The following RXFP1 variants were observed in gnomAD, a reference collection of about 807,000 sequenced individuals.
RXFP1 encodes relaxin receptor 1.
In RXFP1, 73 loss-of-function variants were observed where a neutral mutation model predicts 89.8. The ratio of observed to expected loss-of-function variants is 0.81; its 90% CI spans 0.67 to 0.99. RXFP1 has a LOEUF of 0.99. Ranked by LOEUF, RXFP1 falls within the 50% of genes least tolerant of loss-of-function variation. The pLI is 0.00. For synonymous variants in RXFP1, 277 were observed against 305.5 expected, an observed-to-expected ratio of 0.91 and a Z score of 0.97; for missense variants, 793 against 895.5, an observed-to-expected ratio of 0.89 and a Z score of 1.46.
At chr4:158,530,078 G>GT (rs1434866240) in intron 1 of RXFP1, among the ~76,000 whole-genome samples, 2 of 152,126 alleles carry the variant, frequency 1.3e-5, no homozygotes, top group East Asian at 3.9e-4. Flanking sequence ...GCAGTTTCCT[G>GT]TAGTTGCAGC....
chr4:158,577,952 A>G (rs1222566606), intron 2 of RXFP1, among the ~76,000 whole-genome samples: 1 of 152,218 alleles, frequency 6.6e-6, no homozygotes, highest in East Asian at 1.9e-4. Flanking sequence ...AAAATATTTC[A>G]GCACAAAGAG....
At chr4:158,568,060 A>G (rs1754070038) in intron 1 of RXFP1, among the ~76,000 whole-genome samples, 2 of 152,110 alleles carry the variant, frequency 1.3e-5, no homozygotes, top group African/African-American at 4.8e-5. Flanking sequence ...AGGAATGAAC[A>G]ACTCCGAACA....
At chr4:158,643,712 C>T (rs1770872147) in intron 14 of RXFP1, among the ~76,000 whole-genome samples, 1 of 151,906 alleles carries the variant, frequency 6.6e-6, no homozygotes, top group Non-Finnish European at 1.5e-5. Context: ...ACTGCGTGAT[C>T]CACCCACCTC....
intron 3 of RXFP1, among the ~76,000 whole-genome samples, chr4:158,598,220 A>G (rs1022335731): frequency 1.3e-5 from 2 of 152,332 alleles, no homozygotes; most frequent in African/African-American, 4.8e-5. Context: ...ATATTTTTAA[A>G]TGTTTTCAGT....
intron 1 of RXFP1, among the ~76,000 whole-genome samples, chr4:158,529,240 G>GTTTTTTT (rs60839416): frequency 1.6e-4 from 21 of 134,106 alleles, no homozygotes; most frequent in East Asian, 7.8e-4. Context: ...TTGCTTGCTT[G>GTTTTTTT]TTTTTTGTTG....
intron 1 of RXFP1, among the ~76,000 whole-genome samples, chr4:158,570,208 G>A (rs1409587073): frequency 6.6e-6 from 1 of 152,124 alleles, no homozygotes; most frequent in Non-Finnish European, 1.5e-5. Context: ...TTCCAACAAG[G>A]CTGGAGCCCA....
At chr4:158,570,306 A>T (rs1019328449) in intron 1 of RXFP1, among the ~76,000 whole-genome samples, 1 of 152,150 alleles carries the variant, frequency 6.6e-6, no homozygotes, top group African/African-American at 2.4e-5. Context: ...AAAAACCAGA[A>T]TGGGACTTCT....
rs765462901 is a variant in RXFP1, at chr4:158,605,120, T to G, written c.445T>G (p.Tyr149Asp). 3.1e-6 allele frequency: 5 copies of G among 1,591,096 alleles called. No homozygotes were observed. In the Admixed American group the frequency reaches 8.4e-5, roughly 27 times the overall value. ...RKLPPDCFKNYHDLQKLYLQN... is the reference protein window; with the variant it reads ...RKLPPDCFKNDHDLQKLYLQN... Reference sequence around the variant, plus strand: ...GCTTCCTCCTGATTGCTTCAAGAATTATCATGATCTTCAGAAGCTGTAAGA... The same window carrying G: ...GCTTCCTCCTGATTGCTTCAAGAATGATCATGATCTTCAGAAGCTGTAAGA... Residue 149 changes from tyrosine (Y) to aspartate (D), a missense_variant, in exon 5 of 18, where the codon TAT (tyrosine) becomes GAT (aspartate). Tyr to Asp is a radical substitution (Grantham distance 160). Coordinates refer to ENST00000307765, the MANE Select transcript of RXFP1 (RefSeq NM_021634.4).
At chr4:158,578,975 T>C (rs1463331919) in intron 2 of RXFP1, among the ~76,000 whole-genome samples, 1 of 147,636 alleles carries the variant, frequency 6.8e-6, no homozygotes, top group Non-Finnish European at 1.5e-5. Flanking sequence ...GCAAATATAA[T>C]GCAGGTAAAG....
intron 14 of RXFP1, among the ~76,000 whole-genome samples, chr4:158,643,288 G>T (rs954976388): frequency 6.6e-6 from 1 of 151,970 alleles, no homozygotes; most frequent in African/African-American, 2.4e-5. Context: ...ATTTGGGGCT[G>T]CTTTTTATTA....
chr4:158,548,559 A>G (rs996436286), intron 1 of RXFP1, among the ~76,000 whole-genome samples: 1 of 152,092 alleles, frequency 6.6e-6, no homozygotes, highest in Non-Finnish European at 1.5e-5. Flanking sequence ...TGGTCTTTAC[A>G]TTTTGGCATG....
chr4:158,627,893 A>G (rs749931303), intron 10 of RXFP1, among the ~76,000 whole-genome samples: 4 of 152,078 alleles, frequency 2.6e-5, no homozygotes, highest in Non-Finnish European at 2.9e-5. Context: ...ACTTGTATTT[A>G]TTTTTTAAGG....
chr4:158,606,338 C>G (rs1762530579), intron 5 of RXFP1, among the ~76,000 whole-genome samples: 1 of 152,162 alleles, frequency 6.6e-6, no homozygotes, highest in Non-Finnish European at 1.5e-5. Context: ...AACCACCATA[C>G]TAATGTGGAT....
chr4:158,648,153 G>A (rs935416662), intron 16 of RXFP1, among the ~76,000 whole-genome samples: 1 of 152,098 alleles, frequency 6.6e-6, no homozygotes, highest in Non-Finnish European at 1.5e-5. Flanking sequence ...TTCAGTCAGT[G>A]ACAGAGCAAG....
intron 2 of RXFP1, among the ~76,000 whole-genome samples, chr4:158,589,336 TA>T (rs926099689): frequency 2.0e-5 from 3 of 152,334 alleles, no homozygotes; most frequent in South Asian, 4.1e-4. Context: ...TTGCCTAACC[TA>T]AAGCTATATT....
intron 9 of RXFP1, among the ~76,000 whole-genome samples, chr4:158,619,699 G>C (rs1440269245): frequency 6.6e-6 from 1 of 152,026 alleles, no homozygotes; most frequent in African/African-American, 2.4e-5. Flanking sequence ...CCCGTCTCAG[G>C]GAACAAAAGC....
At chr4:158,583,191 G>T (rs1757699519) in intron 2 of RXFP1, among the ~76,000 whole-genome samples, 1 of 152,200 alleles carries the variant, frequency 6.6e-6, no homozygotes, top group South Asian at 2.1e-4. Context: ...TGATGGTGAT[G>T]ATACATATTT....
chr4:158,617,419 C>CA (rs201739625), intron 9 of RXFP1, among the ~76,000 whole-genome samples: 26,832 of 142,624 alleles, frequency 0.19, 3,366 homozygotes, highest in African/African-American at 0.34. Flanking sequence ...TAAAACATCT[C>CA]AAAAAAAATA....
At chr4:158,603,985 AT>A (rs534150574) in intron 4 of RXFP1, among the ~76,000 whole-genome samples, 21 of 148,922 alleles carry the variant, frequency 1.4e-4, no homozygotes, top group African/African-American at 2.7e-4. Flanking sequence ...AAAAAGTAAG[AT>A]TTTTTTTTTC....
Sources: allele counts gnomAD v4.1 joint callset (sites outside exome capture counted in the v4.1 genomes callset), GRCh38; gene constraint gnomAD v4.1.1; transcripts MANE v1.5; gene names NCBI Gene and HGNC (gene_info 2026-07-23, HGNC 2026-07-21).